UTP6: variants seen among roughly 807,000 people sequenced by gnomAD.
UTP6 encodes the protein U3 small nucleolar RNA-associated protein 6 homolog.
A neutral mutation model predicts 96.5 loss-of-function variants in UTP6; 60 were observed. The ratio of observed to expected loss-of-function variants is 0.62; its 90% CI spans 0.51 to 0.77. The LOEUF (loss-of-function observed/expected upper bound fraction) is 0.77, where lower values mean the gene tolerates loss of function less well. Among genes scored for constraint, UTP6 ranks in the 30% least tolerant of loss-of-function variants. The pLI is 0.00. For synonymous variants in UTP6, 215 were observed against 240.1 expected, an observed-to-expected ratio of 0.90 and a Z score of 0.96; for missense variants, 637 against 706.5, an observed-to-expected ratio of 0.90 and a Z score of 1.12.
At chr17:31,883,215 GAAT>G (rs1910944964) in intron 10 of UTP6, among the ~76,000 whole-genome samples, 1 of 150,154 alleles carries the variant, frequency 6.7e-6, no homozygotes, top group African/African-American at 2.4e-5. Flanking sequence ...GAAATAAAAA[GAAT>G]AAAATTACCA....
intron 3 of UTP6, 42 bp from the exon 4 acceptor site, chr17:31,894,779 A>G: frequency 6.5e-7 from 1 of 1,535,914 alleles, no homozygotes; most frequent in South Asian, 1.2e-5. Flanking sequence ...ACTTAATCAT[A>G]TTTGTCCAAA....
chr17:31,892,675 T>C, intron 5 of UTP6, 72 bp downstream of exon 5: 1 of 1,590,762 alleles, frequency 6.3e-7, no homozygotes, highest in Non-Finnish European at 8.6e-7. Flanking sequence ...AAAAAACATC[T>C]GGCATGAAGC....
At chr17:31,866,159 T>C (rs912643176) in intron 17 of UTP6, among the ~76,000 whole-genome samples, 1 of 149,988 alleles carries the variant, frequency 6.7e-6, no homozygotes, top group Non-Finnish European at 1.5e-5. Context: ...TGGTGGCGGG[T>C]GCCTGTAGTC....
chr17:31,892,614 T>G, intron 5 of UTP6, 133 bp downstream of exon 5: 1 of 993,886 alleles, frequency 1.0e-6, no homozygotes, highest in South Asian at 1.5e-5. Flanking sequence ...AATGTTATAT[T>G]GATGTTCCGC....
intron 10 of UTP6, among the ~76,000 whole-genome samples, chr17:31,882,737 A>G (rs1452343662): frequency 6.6e-6 from 1 of 152,226 alleles, no homozygotes; most frequent in Non-Finnish European, 1.5e-5. Context: ...CTGTCAAAGG[A>G]AGAGGTGTTA....
At chr17:31,872,829 TCTC>T (rs202182880) in intron 16 of UTP6, among the ~76,000 whole-genome samples, 2 of 146,770 alleles carry the variant, frequency 1.4e-5, no homozygotes, top group Admixed American at 6.7e-5. Context: ...GATGAAACCG[TCTC>T]TACTAAATTA....
At chr17:31,901,291 C>T (rs971941479) in intron 1 of UTP6, 2 of 509,330 alleles carry the variant, frequency 3.9e-6, no homozygotes, top group Non-Finnish European at 7.2e-6. Context: ...GGTTTATCAC[C>T]TTTACAGCCC....
At chr17:31,882,015 T>TTG (rs147671007) in intron 10 of UTP6, among the ~76,000 whole-genome samples, 15 of 151,126 alleles carry the variant, frequency 9.9e-5, no homozygotes, top group East Asian at 9.7e-4. Flanking sequence ...TCATTTTCGT[T>TTG]TGTGTGTGTG....
intron 16 of UTP6, among the ~76,000 whole-genome samples, chr17:31,869,170 C>T (rs1910015858): frequency 6.6e-6 from 1 of 152,054 alleles, no homozygotes; most frequent in Admixed American, 6.6e-5. Context: ...ACAGCTTTCT[C>T]TTTTATTTTT....
At chr17:31,882,847 G>C (rs931959521) in intron 10 of UTP6, among the ~76,000 whole-genome samples, 1 of 151,822 alleles carries the variant, frequency 6.6e-6, no homozygotes, top group Non-Finnish European at 1.5e-5. Context: ...GTGCAGTGAT[G>C]CAATAACAGC....
At chr17:31,868,967 T>C (rs1192356080) in intron 16 of UTP6, among the ~76,000 whole-genome samples, 1 of 151,968 alleles carries the variant, frequency 6.6e-6, no homozygotes, top group East Asian at 1.9e-4. Flanking sequence ...AAAAATTGGC[T>C]GGGTGTGGTG....
intron 5 of UTP6, 55 bp from the exon 6 acceptor site, chr17:31,892,378 T>A (rs1904373278): frequency 3.3e-6 from 5 of 1,532,830 alleles, no homozygotes; most frequent in Non-Finnish European, 3.6e-6. Flanking sequence ...TTGATCTTAC[T>A]CTCTAAGTAA....
At chr17:31,881,027 T>C (rs1458921238) in intron 10 of UTP6, among the ~76,000 whole-genome samples, 1 of 151,710 alleles carries the variant, frequency 6.6e-6, no homozygotes, top group Admixed American at 6.6e-5. Context: ...AATACAAAAA[T>C]AAGCCAGGCA....
intron 13 of UTP6, among the ~76,000 whole-genome samples, chr17:31,877,789 A>T (rs1910579751): frequency 6.6e-6 from 1 of 152,214 alleles, no homozygotes; most frequent in African/African-American, 2.4e-5. Flanking sequence ...CAAGATGGTG[A>T]AATCCCGTCT....
chr17:31,876,529 G>A (rs11657849), intron 13 of UTP6, among the ~76,000 whole-genome samples: 132,798 of 151,608 alleles, frequency 0.88, 58,396 homozygotes, highest in African/African-American at 0.96. Flanking sequence ...TTGTAATTCC[G>A]GCTACTCGGG....
Position 31,894,961 on chromosome 17 carries a change from T to C in UTP6, c.219+9A>G, listed in dbSNP as rs770133097. ...TTTTTCTCCAACTTCTAGAAAATCTTCTACTTACTGTTCTTCTTCTCTGGA... is the reference window on the plus strand; with the variant it reads ...TTTTTCTCCAACTTCTAGAAAATCTCCTACTTACTGTTCTTCTTCTCTGGA... On this transcript the variant is annotated intron_variant, in intron 3 of 18. Coordinates refer to ENST00000261708, the MANE Select transcript of UTP6 (RefSeq NM_018428.3). 4 of 1,565,952 alleles carry C rather than the reference T, an allele frequency of 2.6e-6. No homozygotes were observed. Among genetic ancestry groups the C allele is most frequent in the Non-Finnish European group, 3.5e-6 (4 of 1,143,844 alleles).
chr17:31,897,870 T>C (rs1904749689), intron 2 of UTP6, among the ~76,000 whole-genome samples: 1 of 152,240 alleles, frequency 6.6e-6, no homozygotes, highest in Admixed American at 6.6e-5. Flanking sequence ...TTTTTCTTTA[T>C]TCAAACCTTC....
chr17:31,873,586 T>C (rs1910316785), intron 15 of UTP6, 87 bp downstream of exon 15: 2 of 1,604,208 alleles, frequency 1.2e-6, no homozygotes, highest in Non-Finnish European at 8.5e-7. Flanking sequence ...CATAGTGCTT[T>C]AGGCGCACCT....
chr17:31,892,348 C>T (rs1399186825), intron 5 of UTP6, 25 bp from the exon 6 acceptor site: 1 of 1,600,640 alleles, frequency 6.2e-7, no homozygotes, highest in Admixed American at 1.7e-5. Flanking sequence ...AATATTTCTA[C>T]TTCCTGCACA....
Sources: gnomAD v4.1 joint callset for allele counts (sites outside exome capture counted in the v4.1 genomes callset) on GRCh38, gnomAD v4.1.1 for gene constraint, MANE v1.5 for transcripts, NCBI Gene and HGNC (gene_info 2026-07-23, HGNC 2026-07-21) for gene names.